COPB2: variants seen among roughly 807,000 people sequenced by gnomAD.
The protein encoded by COPB2 is coat protein complex I subunit beta 2, also known as coatomer subunit beta'.
In COPB2, 16 loss-of-function variants were observed where a neutral mutation model predicts 120.8. That is an observed-to-expected ratio of 0.13 (90% confidence interval 0.09 to 0.20). COPB2 has a LOEUF of 0.20. Ranked by LOEUF, COPB2 falls within the 10% of genes least tolerant of loss-of-function variation. COPB2 has a pLI of 1.00. For missense variants in COPB2, 794 were observed against 1,076.5 expected (o/e 0.74, Z 3.67); for synonymous variants, 332 against 366.3 (o/e 0.91, Z 1.07).
chr3:139,376,133 T>C (rs1415412875), intron 5 of COPB2, among the ~76,000 whole-genome samples: 1 of 152,226 alleles, frequency 6.6e-6, no homozygotes, highest in Non-Finnish European at 1.5e-5. Context: ...GGCACACGCA[T>C]GTAGTCCTAA....
chr3:139,367,081 G>C lies in COPB2; in HGVS notation c.1610C>G (p.Thr537Arg). The stretch of plus-strand genomic sequence containing the variant: ...ATAATTTAATCTGTTCACAGAACTT[G>C]TGTAAATGAAGCAATCGCCTACCCA... ...GLWVGDCFIY[T>R]SSVNRLNYYV... The change falls in exon 14 of 22, where the codon ACA becomes AGA. Residue 537 changes from threonine (T) to arginine (R), a missense_variant. By Grantham distance (71) the Thr-to-Arg change is moderately conservative (BLOSUM62 -1). Transcript: ENST00000333188. 1 of 1,613,934 alleles carries C rather than the reference G, an allele frequency of 6.2e-7. No homozygotes were observed. The highest frequency in any genetic ancestry group is 8.5e-7 in the Non-Finnish European group (1 of 1,179,916).
At chr3:139,373,602 G>A in intron 8 of COPB2, 64 bp downstream of exon 8, 3 of 1,604,424 alleles carry the variant, frequency 1.9e-6, no homozygotes, top group Non-Finnish European at 1.7e-6. Flanking sequence ...GAAGATGACA[G>A]TACTAAAATA....
upstream of COPB2, chr3:139,389,653 CT>C: frequency 8.1e-7 from 1 of 1,241,402 alleles, no homozygotes; most frequent in Non-Finnish European, 1.1e-6. Context: ...TGACGTGGAA[CT>C]TCCGGGAGCC....
chr3:139,371,487 T>A lies in COPB2; in HGVS notation c.1205+236A>T, dbSNP rs140662643. 4.6e-5 allele frequency among the ~76,000 whole-genome samples: 7 copies of A among 152,292 alleles called. No homozygotes were observed. In the East Asian group the frequency reaches 1.4e-3, roughly 29 times the overall value. ...AAAGAAATGGGTGCTGGGTCCCCAGTTAAATGGAATTATTGTATCAGCTTG... is the reference window on the plus strand; with the variant it reads ...AAAGAAATGGGTGCTGGGTCCCCAGATAAATGGAATTATTGTATCAGCTTG... On this transcript the variant is annotated intron_variant, in intron 10 of 21. Coordinates refer to ENST00000333188, the MANE Select transcript of COPB2 (RefSeq NM_004766.3).
Position 139,359,273 on chromosome 3 carries a change from G to A in COPB2, c.2300C>T (p.Ser767Leu), listed in dbSNP as rs767943293. Residue 767 changes from serine (S) to leucine (L), a missense_variant, in exon 18 of 22, where the codon TCA becomes TTA. Ser to Leu is a moderately radical substitution (Grantham distance 145). This residue lies in a region of COPB2 where 178 missense variants were observed against 183.2 expected (regional missense o/e 0.97). Coordinates refer to ENST00000333188, the MANE Select transcript of COPB2 (RefSeq NM_004766.3). ...TCCTAAAATTAAAAGTCTGTACCTT[G>A]AAACCTGACTGGGTAAGTAAGTTCG... is the stretch of plus-strand genomic sequence containing the variant. ...LARTYLPSQV[S>L]RVVKLWRENL... 5 of 1,614,002 alleles carry A rather than the reference G, an allele frequency of 3.1e-6. No individual in the cohort carries two copies. Among genetic ancestry groups the A allele is most frequent in the Non-Finnish European group, 4.2e-6 (5 of 1,179,998 alleles).
Position 139,362,295 on chromosome 3 carries a change from G to A in COPB2, c.1995+112C>T, listed in dbSNP as rs952060929. 5.0e-5 allele frequency: 27 copies of A among 544,830 alleles called. No individual in the cohort carries two copies. In the Admixed American group the frequency reaches 8.9e-4, roughly 18 times the overall value. The allele number at this position is 544,830 out of a possible 1,614,324, so 33.7% of individuals were successfully genotyped here. Reference sequence around the variant, plus strand: ...AGAGAGACAATAACTTCAACAAAATGAGCCACTAATTTGCATTTGGGAAAA... The same window carrying A: ...AGAGAGACAATAACTTCAACAAAATAAGCCACTAATTTGCATTTGGGAAAA... On this transcript the variant is annotated intron_variant, in intron 16 of 21. Transcript: ENST00000333188.
At position 139,358,774 on chromosome 3, in the gene COPB2, G is replaced by A. The variant is rs1377610053; in HGVS notation, c.2523C>T (p.Asp841=). The A allele has an allele frequency of 1.2e-6, 2 of 1,613,022 alleles. No homozygotes were observed. Among genetic ancestry groups the A allele is most frequent in the African/African-American group, 1.3e-5 (1 of 74,858 alleles). Residue 841 remains aspartate, a synonymous_variant, in exon 20 of 22, where the codon GAC becomes GAT. Coordinates refer to ENST00000333188, the MANE Select transcript of COPB2 (RefSeq NM_004766.3). ...GAGCTGTAGATCTTGAGGGCTGAAA[G>A]TCTTTTCCCTCTTCCATGACATTTC... ...EERNVMEEGK[D]FQPSRSTAQQ... is the part of the protein sequence containing the mutation.
chr3:139,376,849 A>G (rs1307216156), intron 5 of COPB2, among the ~76,000 whole-genome samples: 1 of 152,214 alleles, frequency 6.6e-6, no homozygotes, highest in Non-Finnish European at 1.5e-5. Context: ...TCCCAGGTTC[A>G]TGCCATTCTC....
chr3:139,357,616 T>G lies in COPB2; in HGVS notation c.*247A>C. On this transcript the variant is annotated 3_prime_UTR_variant, in exon 22 of 22. Coordinates refer to ENST00000333188, the MANE Select transcript of COPB2 (RefSeq NM_004766.3). ...TTAATTCAAAAGGTTTTATGAGATA[T>G]GGTCTAATAGTATGAAAAAAATCAA... The G allele has an allele frequency of 3.0e-6, 1 of 332,884 alleles. No individual in the cohort carries two copies. Among genetic ancestry groups the G allele is most frequent in the Admixed American group, 4.6e-5 (1 of 21,590 alleles). 20.6% of individuals were successfully genotyped at this position (332,884 alleles called of 1,614,324 possible).
intron 17 of COPB2, 72 bp from the exon 18 acceptor site, chr3:139,359,434 A>T (rs1245347718): frequency 6.9e-7 from 1 of 1,448,792 alleles, no homozygotes; most frequent in Admixed American, 2.0e-5. Context: ...ACACAAAGTA[A>T]ATTTAGTGTT....
At chr3:139,366,247 T>C (rs995507224) in intron 15 of COPB2, among the ~76,000 whole-genome samples, 4 of 146,882 alleles carry the variant, frequency 2.7e-5, no homozygotes, top group African/African-American at 7.3e-5. Flanking sequence ...TGTATTTTAA[T>C]CATTTTTTTT....
In COPB2 at chr3:139,379,517, A is replaced by C. The variant is rs773307786; in HGVS notation, c.142-51T>G. 4.3e-6 allele frequency: 6 copies of C among 1,411,308 alleles called. No individual in the cohort carries two copies. In the East Asian group the frequency reaches 1.4e-4, roughly 32 times the overall value. The allele number at this position is 1,411,308 out of a possible 1,614,324, so 87.4% of individuals were successfully genotyped here. Reference sequence around the variant, plus strand: ...AATTGAGCTATAAGAAAATAACCACAAAATCTACTCTGTTATATTTCAAAC... The same window carrying C: ...AATTGAGCTATAAGAAAATAACCACCAAATCTACTCTGTTATATTTCAAAC... On this transcript the variant is annotated intron_variant, in intron 2 of 21. Transcript: ENST00000333188.
At chr3:139,362,544 T>C (rs780219618) in intron 15 of COPB2, 27 bp from the exon 16 acceptor site, 6 of 1,428,932 alleles carry the variant, frequency 4.2e-6, no homozygotes, top group Middle Eastern at 1.9e-4. Context: ...AAATTATATA[T>C]ATTTATGCAT....
In COPB2 at chr3:139,359,333, C is replaced by T. The variant is rs1370532810; in HGVS notation, c.2240G>A (p.Arg747Lys). Reference sequence around the variant, plus strand: ...GGCAGCTTCTGGCAGCCGTCCAGTTCTAATTAAGAGCTCTAGGCAGGCATC... The same window carrying T: ...GGCAGCTTCTGGCAGCCGTCCAGTTTTAATTAAGAGCTCTAGGCAGGCATC... ...KVDACLELLI[R>K]TGRLPEAAFL... Residue 747 changes from arginine to lysine, a missense_variant, in exon 18 of 22, where the codon AGA becomes AAA. Arg to Lys is a conservative substitution (Grantham distance 26). This residue lies in a region of COPB2 where 178 missense variants were observed against 183.2 expected (regional missense o/e 0.97). Coordinates refer to ENST00000333188, the MANE Select transcript of COPB2 (RefSeq NM_004766.3). 1.2e-6 allele frequency: 2 copies of T among 1,614,102 alleles called. No homozygotes were observed. Among genetic ancestry groups the T allele is most frequent in the African/African-American group, 2.7e-5 (2 of 75,014 alleles).
Position 139,389,619 on chromosome 3 carries a change from C to T in COPB2, c.-69G>A. 6.8e-7 allele frequency: 1 copy of T among 1,465,076 alleles called. No homozygotes were observed. Among genetic ancestry groups the T allele is most frequent in the Non-Finnish European group, 9.4e-7 (1 of 1,067,574 alleles). 90.8% of individuals were successfully genotyped at this position (1,465,076 alleles called of 1,614,324 possible). ...TACTCAGGCCTTGAGATAAACCCACCGATCCACTGACCGTCAGACTGACTG... is the reference window on the plus strand; with the variant it reads ...TACTCAGGCCTTGAGATAAACCCACTGATCCACTGACCGTCAGACTGACTG... On this transcript the variant is annotated 5_prime_UTR_variant, in exon 1 of 22. Coordinates refer to ENST00000333188, the MANE Select transcript of COPB2 (RefSeq NM_004766.3).
chr3:139,374,991 A>G (rs1213639235), intron 6 of COPB2, among the ~76,000 whole-genome samples: 5 of 152,180 alleles, frequency 3.3e-5, no homozygotes, highest in Non-Finnish European at 5.9e-5. Flanking sequence ...TCAAGGAAAA[A>G]CTGACTTTCT....
intron 6 of COPB2, among the ~76,000 whole-genome samples, chr3:139,374,818 A>G (rs191635609): frequency 2.9e-4 from 44 of 152,294 alleles, no homozygotes; most frequent in Middle Eastern, 3.4e-3. Flanking sequence ...AAAGAAGGGG[A>G]AAAAAACCCA....
rs1006533560 is a variant in COPB2, at chr3:139,379,475, T to C, written c.142-9A>G. ...AATGTCTTCACCAGTGTCTTTAAAA[T>C]GTAACAAGAATACACAAATTGAGCT... On this transcript the variant is annotated splice_polypyrimidine_tract_variant and intron_variant, in intron 2 of 21. Coordinates refer to ENST00000333188, the MANE Select transcript of COPB2 (RefSeq NM_004766.3). 1.2e-6 allele frequency: 2 copies of C among 1,610,492 alleles called. No homozygotes were observed. Among genetic ancestry groups the C allele is most frequent in the South Asian group, 2.2e-5 (2 of 90,538 alleles).
At position 139,379,028 on chromosome 3, in the gene COPB2, A is replaced by C. The variant is rs747544523; in HGVS notation, c.355+19T>G. 4.5e-6 allele frequency: 7 copies of C among 1,560,918 alleles called. No individual in the cohort carries two copies. In the African/African-American group the frequency reaches 9.7e-5, roughly 22 times the overall value. On this transcript the variant is annotated intron_variant, in intron 4 of 21. Transcript: ENST00000333188. ...ATTACCCAAAGAGACGCACATGACCAAAAAAGGTCATCTCTTACCACTGCT... is the reference window on the plus strand; with the variant it reads ...ATTACCCAAAGAGACGCACATGACCCAAAAAGGTCATCTCTTACCACTGCT...
Sources: allele counts gnomAD v4.1 joint callset (sites outside exome capture counted in the v4.1 genomes callset), GRCh38; gene constraint gnomAD v4.1.1; regional missense constraint gnomAD v4.1.1; transcripts MANE v1.5; gene names NCBI Gene and HGNC (gene_info 2026-07-23, HGNC 2026-07-21).